COL5A1: variants seen among roughly 807,000 people sequenced by gnomAD.
COL5A1 encodes the protein collagen alpha-1(V) chain.
A neutral mutation model predicts 263.7 loss-of-function variants in COL5A1; 16 were observed. The observed-to-expected ratio is 0.06, with a 90% CI of 0.04 to 0.09. COL5A1 has a LOEUF of 0.09. COL5A1 is among the 10% of genes least tolerant of loss of function. The probability of loss-of-function intolerance (pLI) is 1.00; values close to 1 mark genes in which losing one functional copy is unlikely to be tolerated. For synonymous variants in COL5A1, 1,012 were observed against 1,004.5 expected, an observed-to-expected ratio of 1.01 and a Z score of -0.14; for missense variants, 2,036 against 2,540.5, an observed-to-expected ratio of 0.80 and a Z score of 4.27.
chr9:134,688,453 AG>A (rs1281512134), intron 1 of COL5A1, among the ~76,000 whole-genome samples: 1 of 152,202 alleles, frequency 6.6e-6, no homozygotes, highest in East Asian at 1.9e-4. Context: ...ATCCAGGCCC[AG>A]GGCTGCGCGG....
chr9:134,810,329 G>A (rs527600287), intron 44 of COL5A1, 21 bp downstream of exon 44: 17 of 1,611,638 alleles, frequency 1.1e-5, no homozygotes, highest in South Asian at 8.8e-5. Flanking sequence ...GCACGGGGGC[G>A]CGCGGCAGCC....
rs1275338150 is a variant in COL5A1, at chr9:134,647,086, G to T, written c.109+4790G>T. Among the ~76,000 whole-genome samples, 2 of 152,194 alleles carry T rather than the reference G, an allele frequency of 1.3e-5. No homozygotes were observed. Among genetic ancestry groups the T allele is most frequent in the Non-Finnish European group, 2.9e-5 (2 of 68,032 alleles). On this transcript the variant is annotated intron_variant, in intron 1 of 65. Transcript: ENST00000371817. The surrounding 1 kb of genome is among the most constrained non-coding windows in gnomAD (Gnocchi z 5.0). ...CGCCCCCATCTTCAGTGGTGGTTTT[G>T]CAGGAGGAAAGAGCAGTGTTCCCAC...
At chr9:134,685,033 T>TCCACCA (rs1832970862) in intron 1 of COL5A1, among the ~76,000 whole-genome samples, 1 of 142,040 alleles carries the variant, frequency 7.0e-6, no homozygotes, top group African/African-American at 2.7e-5. Context: ...CATCCATCCA[T>TCCACCA]TCATCCATCC....
intron 65 of COL5A1, among the ~76,000 whole-genome samples, chr9:134,835,558 A>T (rs189477151): frequency 1.3e-5 from 2 of 152,276 alleles, no homozygotes; most frequent in African/African-American, 4.8e-5. Flanking sequence ...CTCTCCTTGG[A>T]CAGGGCTCTT....
chr9:134,731,706 T>A (rs748673683), intron 8 of COL5A1, 43 bp downstream of exon 8: 1 of 1,579,462 alleles, frequency 6.3e-7, no homozygotes, highest in African/African-American at 1.3e-5. Context: ...GTTGGGGGGC[T>A]GGTGGGGCAT....
intron 7 of COL5A1, 33 bp from the exon 8 acceptor site, chr9:134,731,463 G>T: frequency 1.2e-6 from 2 of 1,612,634 alleles, no homozygotes; most frequent in South Asian, 1.1e-5. Flanking sequence ...GTGCGTTTGC[G>T]AGGCAACCCT....
intron 52 of COL5A1, among the ~76,000 whole-genome samples, chr9:134,816,745 G>A (rs747410458): frequency 2.6e-5 from 4 of 152,260 alleles, no homozygotes; most frequent in Admixed American, 6.5e-5. Flanking sequence ...CCAGGTTGTG[G>A]TGGGGACCGA....
intron 13 of COL5A1, among the ~76,000 whole-genome samples, chr9:134,752,323 G>C (rs1473575016): frequency 6.6e-6 from 1 of 152,128 alleles, no homozygotes; most frequent in Non-Finnish European, 1.5e-5. Context: ...AAGGAGGGAT[G>C]GGGCCTATCC....
intron 65 of COL5A1, among the ~76,000 whole-genome samples, chr9:134,839,358 C>T (rs1217015909): frequency 2.0e-5 from 3 of 152,170 alleles, no homozygotes; most frequent in Admixed American, 6.5e-5. Flanking sequence ...TTAAATACGC[C>T]CCTCTCTAAG....
Position 134,842,150 on chromosome 9 carries a change from T to C in COL5A1, c.5371-7T>C, listed in dbSNP as rs1202079415. 6.2e-7 allele frequency: 1 copy of C among 1,613,930 alleles called. No individual in the cohort carries two copies. Among genetic ancestry groups the C allele is most frequent in the Admixed American group, 1.7e-5 (1 of 60,014 alleles). On this transcript the variant is annotated splice_region_variant and splice_polypyrimidine_tract_variant and intron_variant, in intron 65 of 65. Transcript: ENST00000371817. The surrounding 1 kb of genome is among the most constrained non-coding windows in gnomAD (Gnocchi z 5.8). ...AACCACCGGCCATCTGTCTCCCTCT[T>C]CCCCAGACCAAGAAAGGCTACCAGA...
At chr9:134,816,025 T>A in intron 52 of COL5A1, 37 bp downstream of exon 52, 1 of 1,606,446 alleles carries the variant, frequency 6.2e-7, no homozygotes, top group Non-Finnish European at 8.5e-7. Flanking sequence ...CTGGTGGAGG[T>A]GTCAGTGTAT....
intron 28 of COL5A1, among the ~76,000 whole-genome samples, chr9:134,781,407 C>T (rs1328860517): frequency 6.6e-6 from 1 of 152,254 alleles, no homozygotes; most frequent in Admixed American, 6.5e-5. Context: ...CCCGTCGGGG[C>T]TTCGGAACAC....
At position 134,743,910 on chromosome 9, in the gene COL5A1, A is replaced by G. The variant is rs557493822; in HGVS notation, c.1494+5102A>G. ...ACCTCCCAGCCAGAAAGTGTGGCTC[A>G]CCTCTACCTAACAGGTTCTGGTGTG... On this transcript the variant is annotated intron_variant, in intron 11 of 65. Coordinates refer to ENST00000371817, the MANE Select transcript of COL5A1 (RefSeq NM_000093.5). Among the ~76,000 whole-genome samples, 83 of 152,214 alleles carry G rather than the reference A, an allele frequency of 5.5e-4. 1 individual carries two copies. The Middle Eastern group carries it at 0.014, about 25-fold the overall frequency.
In COL5A1 at chr9:134,811,340, G is replaced by A. The variant is rs1838515612; in HGVS notation, c.3530G>A (p.Gly1177Asp). The change falls in exon 45 of 66, where the codon GGT becomes GAT. Residue 1177 changes from glycine to aspartate, a missense_variant and splice_region_variant. Transcript: ENST00000371817. ...KGSKGDKGEQ[G>D]PPGPTGPQGP... ...ATGTCTCTGTCTTGTTCCCCGCAGG[G>A]TCCTCCTGGGCCTACAGGTCCTCAA... 1 of 1,613,880 alleles carries A rather than the reference G, an allele frequency of 6.2e-7. No homozygotes were observed. The highest frequency in any genetic ancestry group is 1.1e-5 in the South Asian group (1 of 91,072).
At chr9:134,694,455 C>T (rs1238694190) in intron 2 of COL5A1, among the ~76,000 whole-genome samples, 1 of 152,264 alleles carries the variant, frequency 6.6e-6, no homozygotes, top group African/African-American at 2.4e-5. Flanking sequence ...CTCCTCTGGC[C>T]TGGGAGAGCG....
chr9:134,663,484 G>C (rs963028277), intron 1 of COL5A1, among the ~76,000 whole-genome samples: 2 of 152,204 alleles, frequency 1.3e-5, no homozygotes, highest in African/African-American at 4.8e-5. Context: ...GGGCACTTGA[G>C]GGGGGAGGAT....
intron 1 of COL5A1, among the ~76,000 whole-genome samples, chr9:134,675,174 G>A (rs377689704): frequency 7.2e-5 from 11 of 152,108 alleles, no homozygotes; most frequent in East Asian, 3.9e-4. Flanking sequence ...TTGGGTGAGC[G>A]TTTTGATTAA....
At chr9:134,827,618 C>T (rs1019936058) in intron 63 of COL5A1, among the ~76,000 whole-genome samples, 6 of 152,210 alleles carry the variant, frequency 3.9e-5, no homozygotes, top group African/African-American at 1.2e-4. Context: ...TGGGAAGCCG[C>T]GGCTGGTGTT....
chr9:134,816,443 C>T (rs1331054317), intron 52 of COL5A1, among the ~76,000 whole-genome samples: 1 of 152,272 alleles, frequency 6.6e-6, no homozygotes, highest in Non-Finnish European at 1.5e-5. Context: ...TGGGACGGAT[C>T]GACCCCCATG....
Sources: gnomAD v4.1 joint callset for allele counts (sites outside exome capture counted in the v4.1 genomes callset) on GRCh38, gnomAD v4.1.1 for gene constraint, Gnocchi (gnomAD v3.1) non-coding constraint, MANE v1.5 for transcripts, NCBI Gene and HGNC (gene_info 2026-07-23, HGNC 2026-07-21) for gene names.